The following BTBD9 variants were observed in gnomAD, a reference collection of about 807,000 sequenced individuals.
The protein encoded by BTBD9 is BTB/POZ domain-containing protein 9.
A neutral mutation model predicts 64.3 loss-of-function variants in BTBD9; 49 were observed. That is an observed-to-expected ratio of 0.76 (90% CI 0.61 to 0.97). BTBD9 has a LOEUF of 0.97. Among genes scored for constraint, BTBD9 ranks in the 50% least tolerant of loss-of-function variants. BTBD9 has a pLI of 0.00. For synonymous variants in BTBD9, 260 were observed against 274.7 expected (o/e 0.95, Z 0.53); for missense variants, 598 against 762.1 (o/e 0.78, Z 2.53).
At chr6:38,489,545 T>C (rs555235330) in intron 6 of BTBD9, among the ~76,000 whole-genome samples, 1 of 152,354 alleles carries the variant, frequency 6.6e-6, no homozygotes, top group African/African-American at 2.4e-5. Context: ...CACGTAAATT[T>C]TCCTAAAACC....
At chr6:38,439,347 C>G (rs1312239589) in intron 6 of BTBD9, among the ~76,000 whole-genome samples, 1 of 151,542 alleles carries the variant, frequency 6.6e-6, no homozygotes, top group Non-Finnish European at 1.5e-5. Context: ...AGGCTGCTGT[C>G]GAACTCCTGA....
chr6:38,400,415 T>C (rs1766876980), intron 6 of BTBD9, among the ~76,000 whole-genome samples: 1 of 152,196 alleles, frequency 6.6e-6, no homozygotes, highest in Non-Finnish European at 1.5e-5. Flanking sequence ...GAAACTAATC[T>C]GAAAAATCAC....
At chr6:38,581,178 G>A (rs1776269655) in intron 4 of BTBD9, among the ~76,000 whole-genome samples, 1 of 152,142 alleles carries the variant, frequency 6.6e-6, no homozygotes, top group Admixed American at 6.5e-5. Context: ...GGCAACAAGA[G>A]TAAATCTCCG....
At chr6:38,529,253 A>G (rs1276202046) in intron 6 of BTBD9, among the ~76,000 whole-genome samples, 2 of 152,186 alleles carry the variant, frequency 1.3e-5, no homozygotes, top group African/African-American at 4.8e-5. Context: ...CTCAGCAGAG[A>G]GAGACTCCAT....
At chr6:38,455,441 A>G (rs939268108) in intron 6 of BTBD9, among the ~76,000 whole-genome samples, 3 of 152,206 alleles carry the variant, frequency 2.0e-5, no homozygotes, top group Non-Finnish European at 4.4e-5. Context: ...AAGTCTTGGG[A>G]TTACAGGCGT....
At chr6:38,202,089 T>TG (rs1197530554) in intron 9 of BTBD9, among the ~76,000 whole-genome samples, 1 of 149,284 alleles carries the variant, frequency 6.7e-6, no homozygotes, top group African/African-American at 2.5e-5. Context: ...TTTTTTGTTT[T>TG]TTTTTTTTTT....
intron 6 of BTBD9, among the ~76,000 whole-genome samples, chr6:38,407,930 C>G (rs957343780): frequency 1.2e-4 from 19 of 152,110 alleles, no homozygotes; most frequent in African/African-American, 4.3e-4. Context: ...ATAATCAGAT[C>G]AAAGGAAAGC....
At chr6:38,409,237 C>CA (rs1450087018) in intron 6 of BTBD9, among the ~76,000 whole-genome samples, 1 of 151,474 alleles carries the variant, frequency 6.6e-6, no homozygotes, top group Non-Finnish European at 1.5e-5. Flanking sequence ...GTGACAGAGA[C>CA]AGACTCCATC....
chr6:38,638,010 C>T (rs545101693), intron 1 of BTBD9, among the ~76,000 whole-genome samples: 12 of 152,280 alleles, frequency 7.9e-5, no homozygotes, highest in African/African-American at 2.6e-4. Flanking sequence ...AGAGACGTTC[C>T]GCTCCAGTTA....
At chr6:38,329,934 CAA>C (rs1247587004) in intron 7 of BTBD9, among the ~76,000 whole-genome samples, 1 of 152,016 alleles carries the variant, frequency 6.6e-6, no homozygotes, top group African/African-American at 2.4e-5. Flanking sequence ...GCCTGGGCAA[CAA>C]GAGCAAAATT....
At chr6:38,349,953 G>T (rs373073365) in intron 6 of BTBD9, among the ~76,000 whole-genome samples, 2 of 152,130 alleles carry the variant, frequency 1.3e-5, no homozygotes, top group South Asian at 2.1e-4. Context: ...CTAAGCATGA[G>T]GAAGCAAGGG....
chr6:38,284,818 G>A (rs1346824850), intron 8 of BTBD9, among the ~76,000 whole-genome samples: 1 of 152,048 alleles, frequency 6.6e-6, no homozygotes, highest in African/African-American at 2.4e-5. Flanking sequence ...CCTAAAAGGG[G>A]GAATAAAAAA....
chr6:38,595,386 A>G (rs908643946), intron 2 of BTBD9, among the ~76,000 whole-genome samples: 63 of 152,306 alleles, frequency 4.1e-4, no homozygotes, highest in African/African-American at 7.5e-4. Context: ...AAAGCCCTAC[A>G]TTATTGCTTA....
rs573203509 is a variant in BTBD9, at chr6:38,615,180, T to C, written c.-27-17059A>G. ...TCATCCAAGTGCAACTCAGGTGCCA[T>C]TTCCTCATGCAGCCTTCCTTGACCT... On this transcript the variant is annotated intron_variant, in intron 1 of 10. Coordinates refer to ENST00000481247, the MANE Select transcript of BTBD9 (RefSeq NM_001099272.2). Among the ~76,000 whole-genome samples, 4 of 152,344 alleles carry C rather than the reference T, an allele frequency of 2.6e-5. No individual in the cohort carries two copies. In the East Asian group the frequency reaches 7.7e-4, roughly 29 times the overall value.
chr6:38,441,719 T>C (rs1769043781), intron 6 of BTBD9, among the ~76,000 whole-genome samples: 1 of 152,190 alleles, frequency 6.6e-6, no homozygotes, highest in African/African-American at 2.4e-5. Context: ...ACCCAGCCTC[T>C]GAGAGATATT....
intron 6 of BTBD9, among the ~76,000 whole-genome samples, chr6:38,561,164 T>C (rs1207119047): frequency 6.6e-6 from 1 of 152,214 alleles, no homozygotes; most frequent in Non-Finnish European, 1.5e-5. Flanking sequence ...GCCACACTGC[T>C]TTCCACAGTG....
At chr6:38,187,840 C>G (rs746667369) in intron 10 of BTBD9, among the ~76,000 whole-genome samples, 13 of 152,158 alleles carry the variant, frequency 8.5e-5, no homozygotes, top group Non-Finnish European at 1.5e-4. Flanking sequence ...GAGACAGATG[C>G]CAGCAGCAGA....
At chr6:38,205,879 C>CGAAAAAAAAAAAAAAAAAAAAAAA (rs1762625649) in intron 9 of BTBD9, among the ~76,000 whole-genome samples, 2 of 47,288 alleles carry the variant, frequency 4.2e-5, no homozygotes, top group Non-Finnish European at 3.8e-5. Flanking sequence ...GAGTCTGTCT[C>CGAAAAAAAAAAAAAAAAAAAAAAA]AAAAAAAAAA....
chr6:38,584,021 G>C (rs1455217197), intron 4 of BTBD9, among the ~76,000 whole-genome samples: 2 of 151,626 alleles, frequency 1.3e-5, no homozygotes, highest in Admixed American at 6.6e-5. Flanking sequence ...AAAAAAAAAA[G>C]CTCTTCAAAA....
Sources: gnomAD v4.1 joint callset for allele counts (sites outside exome capture counted in the v4.1 genomes callset) on GRCh38, gnomAD v4.1.1 for gene constraint, MANE v1.5 for transcripts, NCBI Gene and HGNC (gene_info 2026-07-23, HGNC 2026-07-21) for gene names.